VWA8: variants seen among roughly 807,000 people sequenced by gnomAD.
VWA8 encodes the protein von Willebrand factor A domain-containing protein 8.
A neutral mutation model predicts 241.5 loss-of-function variants in VWA8; 221 were observed. That is an observed-to-expected ratio of 0.91 (90% CI 0.82 to 1.02). The LOEUF (loss-of-function observed/expected upper bound fraction) is 1.02. Among genes scored for constraint, VWA8 ranks in the 50% least tolerant of loss-of-function variants. The probability of loss-of-function intolerance (pLI) is 0.00; values close to 1 mark genes in which losing one functional copy is unlikely to be tolerated. For synonymous variants in VWA8, 852 were observed against 827.1 expected, an observed-to-expected ratio of 1.03 and a Z score of -0.52; for missense variants, 2,322 against 2,328.7, an observed-to-expected ratio of 1.00 and a Z score of 0.06.
At chr13:41,638,730 A>G (rs1195523647) in intron 37 of VWA8, among the ~76,000 whole-genome samples, 2 of 152,210 alleles carry the variant, frequency 1.3e-5, no homozygotes, top group African/African-American at 4.8e-5. Flanking sequence ...TAGTCAGTGC[A>G]TGTAGATAAT....
At chr13:41,782,528 G>T (rs1868935170) in intron 19 of VWA8, among the ~76,000 whole-genome samples, 1 of 151,842 alleles carries the variant, frequency 6.6e-6, no homozygotes, top group African/African-American at 2.4e-5. Context: ...CTGTTCATTT[G>T]TTTACTGATT....
chr13:41,650,103 T>G (rs950692122), intron 37 of VWA8, among the ~76,000 whole-genome samples: 1 of 152,246 alleles, frequency 6.6e-6, no homozygotes, highest in Non-Finnish European at 1.5e-5. Context: ...CACCATATAA[T>G]CTTTAATCTA....
At chr13:41,782,709 C>T (rs181760205) in intron 19 of VWA8, among the ~76,000 whole-genome samples, 4 of 151,830 alleles carry the variant, frequency 2.6e-5, no homozygotes, top group Admixed American at 1.3e-4. Context: ...TGTCTAGATA[C>T]CTATAAAGTT....
At chr13:41,649,252 A>C (rs1470435194) in intron 37 of VWA8, among the ~76,000 whole-genome samples, 2 of 152,198 alleles carry the variant, frequency 1.3e-5, no homozygotes, top group African/African-American at 4.8e-5. Context: ...TGATTACAAA[A>C]AAGGAATATT....
At chr13:41,929,011 C>T (rs1243366995) in intron 2 of VWA8, among the ~76,000 whole-genome samples, 2 of 151,996 alleles carry the variant, frequency 1.3e-5, no homozygotes. Context: ...CCATGCAATA[C>T]CTTTCAAAAT....
At chr13:41,897,890 C>G (rs1227443206) in intron 4 of VWA8, among the ~76,000 whole-genome samples, 4 of 152,180 alleles carry the variant, frequency 2.6e-5, no homozygotes, top group Non-Finnish European at 5.9e-5. Context: ...ATTCTGCTAG[C>G]TGGCCCCCAC....
Position 41,691,394 on chromosome 13 carries a change from T to A in VWA8, c.3792A>T (p.Ser1264=). 3 of 1,612,762 alleles carry A rather than the reference T, an allele frequency of 1.9e-6. No individual in the cohort carries two copies. Among genetic ancestry groups the A allele is most frequent in the Non-Finnish European group, 1.7e-6 (2 of 1,179,082 alleles). Reference sequence around the variant, plus strand: ...AAACTGTCTTGAGGTTGATGGGAAGTGAGATGGTGTGAGTTCGCCCTTCTA... The same window carrying A: ...AAACTGTCTTGAGGTTGATGGGAAGAGAGATGGTGTGAGTTCGCCCTTCTA... ...DVLEGRTHTI[S]LPINLKTVFL... Residue 1264 remains serine, a synonymous_variant, in exon 32 of 45, where the codon TCA becomes TCT. Transcript: ENST00000379310.
intron 17 of VWA8, among the ~76,000 whole-genome samples, chr13:41,804,509 A>G (rs1870097598): frequency 6.6e-6 from 1 of 152,154 alleles, no homozygotes; most frequent in African/African-American, 2.4e-5. Context: ...AAGGGAAAAA[A>G]AAAGGAATTA....
chr13:41,727,918 G>A (rs1364228803), intron 23 of VWA8, among the ~76,000 whole-genome samples: 1 of 152,036 alleles, frequency 6.6e-6, no homozygotes, highest in Non-Finnish European at 1.5e-5. Context: ...AGTTGACTGG[G>A]GCTTCTTTGT....
Position 41,587,652 on chromosome 13 carries a change from T to G in VWA8, c.5131A>C (p.Lys1711Gln). 2 of 1,614,170 alleles carry G rather than the reference T, an allele frequency of 1.2e-6. No homozygotes were observed. The highest frequency in any genetic ancestry group is 8.5e-7 in the Non-Finnish European group (1 of 1,180,014). ...LEPQLGSPQQ[K>Q]PKRLRLVVDV... ...ACCACCAGGCGCAGACGCTTGGGTT[T>G]CTGTTGTGGGCTGCCAAGCTGAGGG... The change falls in exon 42 of 45, where the codon AAA (lysine) becomes CAA (glutamine). Residue 1711 changes from lysine to glutamine, a missense_variant. Physicochemically the swap from Lys to Gln is moderately conservative, Grantham distance 53. Coordinates refer to ENST00000379310, the MANE Select transcript of VWA8 (RefSeq NM_015058.2).
intron 43 of VWA8, among the ~76,000 whole-genome samples, chr13:41,573,608 C>T (rs1429682612): frequency 3.2e-5 from 3 of 94,284 alleles, no homozygotes; most frequent in African/African-American, 5.4e-5. Flanking sequence ...TCTATATATA[C>T]GCATATATAT....
chr13:41,738,260 C>A (rs554540025), intron 21 of VWA8, among the ~76,000 whole-genome samples: 1 of 152,174 alleles, frequency 6.6e-6, no homozygotes, highest in African/African-American at 2.4e-5. Flanking sequence ...AATCACTCAT[C>A]ACTAACATGC....
At chr13:41,795,346 T>G (rs1485689484) in intron 17 of VWA8, among the ~76,000 whole-genome samples, 1 of 152,200 alleles carries the variant, frequency 6.6e-6, no homozygotes, top group Non-Finnish European at 1.5e-5. Context: ...ACACTGTTGG[T>G]CAGAGTGTAA....
chr13:41,643,759 C>G (rs2044812381), intron 37 of VWA8, among the ~76,000 whole-genome samples: 1 of 152,046 alleles, frequency 6.6e-6, no homozygotes, highest in African/African-American at 2.4e-5. Context: ...TCACCAACAC[C>G]AGGCTCTAAA....
chr13:41,668,439 T>C (rs2045001120), intron 37 of VWA8, among the ~76,000 whole-genome samples: 1 of 152,196 alleles, frequency 6.6e-6, no homozygotes, highest in South Asian at 2.1e-4. Flanking sequence ...TATTCTCTTT[T>C]TTCAATACTT....
chr13:41,875,540 T>C (rs915329656), intron 9 of VWA8, among the ~76,000 whole-genome samples: 5 of 152,098 alleles, frequency 3.3e-5, no homozygotes, highest in South Asian at 4.1e-4. Flanking sequence ...CAATTTAAAA[T>C]GTAAGCCCCT....
At chr13:41,707,889 T>C (rs2045292226) in intron 26 of VWA8, among the ~76,000 whole-genome samples, 1 of 152,154 alleles carries the variant, frequency 6.6e-6, no homozygotes. Flanking sequence ...TATTCCTTTC[T>C]GGGAAAAATG....
chr13:41,631,785 C>G (rs965450313), intron 37 of VWA8, among the ~76,000 whole-genome samples: 2 of 152,150 alleles, frequency 1.3e-5, no homozygotes, highest in African/African-American at 4.8e-5. Flanking sequence ...CAAATGTTAT[C>G]ATTGTGTGTA....
In VWA8 at chr13:41,819,218, C is replaced by A. The variant is rs1870837321; in HGVS notation, c.1869G>T (p.Lys623Asn). The change falls in exon 15 of 45, where the codon AAG (lysine) becomes AAT (asparagine). Residue 623 changes from lysine (K) to asparagine (N), a missense_variant and splice_region_variant. By Grantham distance (94) the Lys-to-Asn change is moderately conservative (BLOSUM62 0). Transcript: ENST00000379310. ...AGACTAAGATTGGCTTTCTTCTTAC[C>A]TTTTCCTTAATCACTTGGATTTCTT... ...KSEEIQVIKE[K>N]VPNVPQEALD... 1 of 1,599,028 alleles carries A rather than the reference C, an allele frequency of 6.3e-7. No homozygotes were observed.
Sources: gnomAD v4.1 joint callset for allele counts (sites outside exome capture counted in the v4.1 genomes callset) on GRCh38, gnomAD v4.1.1 for gene constraint, MANE v1.5 for transcripts, NCBI Gene and HGNC (gene_info 2026-07-23, HGNC 2026-07-21) for gene names.